The following LRRC71 variants were observed in gnomAD, a reference collection of about 807,000 sequenced individuals.
LRRC71 encodes the protein leucine rich repeat containing 71.
A neutral mutation model predicts 66.6 loss-of-function variants in LRRC71; 54 were observed. The ratio of observed to expected loss-of-function variants is 0.81; its 90% confidence interval spans 0.65 to 1.02. The LOEUF is 1.02. LRRC71 is among the 50% of genes least tolerant of loss of function. The pLI is 0.00. For synonymous variants in LRRC71, 323 were observed against 303.9 expected, an observed-to-expected ratio of 1.06 and a Z score of -0.65; for missense variants, 724 against 718.0, an observed-to-expected ratio of 1.01 and a Z score of -0.10.
Position 156,927,551 on chromosome 1 carries a change from C to G in LRRC71, c.718C>G (p.Leu240Val). ...CATCGACGACCGCGGGGCGCAACTC[C>G]TGGGCCAGGCGCTGTCCACGCTGCA... The part of the protein sequence containing the change: ...NNIDDRGAQL[L>V]GQALSTLHSC... Residue 240 changes from leucine (L) to valine (V), a missense_variant, in exon 7 of 15, where the codon CTG becomes GTG. Coordinates refer to ENST00000337428, the MANE Select transcript of LRRC71 (RefSeq NM_144702.3). 6.4e-7 allele frequency: 1 copy of G among 1,573,612 alleles called. No individual in the cohort carries two copies. The highest frequency in any genetic ancestry group is 8.6e-7 in the Non-Finnish European group (1 of 1,160,160).
chr1:156,932,002 G>C lies in LRRC71; in HGVS notation c.1416G>C (p.Lys472Asn). The C allele has an allele frequency of 8.1e-6, 13 of 1,598,294 alleles. No homozygotes were observed. The highest frequency in any genetic ancestry group is 1.1e-5 in the Non-Finnish European group (13 of 1,172,108). Residue 472 changes from lysine to asparagine, a missense_variant, in exon 13 of 15, where the codon AAG (lysine) becomes AAC (asparagine). Transcript: ENST00000337428. ...GGAAAGTTTTCATGCCTGGGAACAA[G>C]GTCCTTTTGCACCTCAACCTCATCC... ...RDGKVFMPGN[K>N]VLLHLNLIRN... is the part of the protein sequence containing the mutation.
intron 5 of LRRC71, 129 bp from the exon 6 acceptor site, chr1:156,927,073 T>A (rs1379397878): frequency 6.7e-6 from 5 of 749,316 alleles, no homozygotes; most frequent in Non-Finnish European, 1.1e-5. Flanking sequence ...ATATATTTCC[T>A]ATATTGGGGG....
chr1:156,924,233 T>A, intron 2 of LRRC71, 135 bp downstream of exon 2: 1 of 1,236,580 alleles, frequency 8.1e-7, no homozygotes, highest in Non-Finnish European at 1.1e-6. Flanking sequence ...ACGAGGCCGG[T>A]GGGGAGGTGG....
Position 156,924,978 on chromosome 1 carries a change from TTCA to T in LRRC71, c.559_561del (p.Ile187del). 2 of 1,551,656 alleles carry T rather than the reference TTCA, an allele frequency of 1.3e-6. No homozygotes were observed. Among genetic ancestry groups the T allele is most frequent in the Non-Finnish European group, 1.7e-6 (2 of 1,146,990 alleles). On this transcript the variant is annotated inframe_deletion, in exon 5 of 15. Transcript: ENST00000337428. ...GCTGACCGATAAGACCCTGACCACCTTCATCGAGCTCCTGCCTCTCTGTTCATC... is the reference window on the plus strand; with the variant it reads ...GCTGACCGATAAGACCCTGACCACCTTCGAGCTCCTGCCTCTCTGTTCATC...
the LRRC71 span, chr1:156,939,435 C>G: frequency 1.4e-6 from 2 of 1,479,568 alleles, no homozygotes; most frequent in African/African-American, 1.4e-5. Context: ...CAGCGTAGGT[C>G]TCTGCTCACA....
chr1:156,930,025 C>CT (rs767983461), intron 11 of LRRC71, among the ~76,000 whole-genome samples: 5 of 114,818 alleles, frequency 4.4e-5, no homozygotes, highest in East Asian at 2.5e-4. Flanking sequence ...TTTTTCTTTT[C>CT]TTTTCTTTTT....
At position 156,924,102 on chromosome 1, in the gene LRRC71, A is replaced by G. The variant is rs1218161489; in HGVS notation, c.310+4A>G. 1 of 1,502,668 alleles carries G rather than the reference A, an allele frequency of 6.7e-7. No homozygotes were observed. The highest frequency in any genetic ancestry group is 2.8e-5 in the East Asian group (1 of 35,682). The allele number at this position is 1,502,668 out of a possible 1,614,324, so 93.1% of individuals were successfully genotyped here. A position where few individuals can be genotyped will look rare whatever the true frequency, so the allele number is the denominator to read the frequency against. On this transcript the variant is annotated splice_donor_region_variant and intron_variant, in intron 2 of 14. Transcript: ENST00000337428. ...TTGTCGGAAAAGGCCACCTTAGGTGAGTGACAGTGGAGCTCCCCGGTGCCT... is the reference window on the plus strand; with the variant it reads ...TTGTCGGAAAAGGCCACCTTAGGTGGGTGACAGTGGAGCTCCCCGGTGCCT...
In LRRC71 at chr1:156,929,705, G is replaced by C. The variant is rs1160413761; in HGVS notation, c.1216G>C (p.Asp406His). Residue 406 changes from aspartate to histidine, a missense_variant, in exon 11 of 15, where the codon GAT becomes CAT. Asp to His is a moderately conservative substitution (Grantham distance 81). Coordinates refer to ENST00000337428, the MANE Select transcript of LRRC71 (RefSeq NM_144702.3). ...SPTQGTPKKE[D>H]ATKAGKGKVT... is the part of the protein sequence containing the mutation. ...CACACAAGGAACCCCTAAGAAGGAA[G>C]ATGCCACAAAGGCAGGCAAGGGGAG... 6.4e-7 allele frequency: 1 copy of C among 1,573,304 alleles called. No individual in the cohort carries two copies. The highest frequency in any genetic ancestry group is 8.6e-7 in the Non-Finnish European group (1 of 1,159,454).
chr1:156,924,555 G>T lies in LRRC71; in HGVS notation c.439+3G>T. 1 of 1,551,460 alleles carries T rather than the reference G, an allele frequency of 6.4e-7. No homozygotes were observed. Among genetic ancestry groups the T allele is most frequent in the African/African-American group, 1.4e-5 (1 of 73,132 alleles). On this transcript the variant is annotated splice_donor_region_variant and intron_variant, in intron 3 of 14. Coordinates refer to ENST00000337428, the MANE Select transcript of LRRC71 (RefSeq NM_144702.3). ...AGTGAAGGAAATCTACATCCGCGGT[G>T]AGCCCCGCTCCCCCCACCCGCCCCA...
downstream of LRRC71, chr1:156,936,886 T>A: frequency 6.2e-7 from 1 of 1,613,502 alleles, no homozygotes; most frequent in South Asian, 1.1e-5. Context: ...TAGCGGGAGG[T>A]GAGAGGGAGC....
At position 156,924,660 on chromosome 1, in the gene LRRC71, C is replaced by G. The variant is rs1161328332; in HGVS notation, c.457C>G (p.Arg153Gly). The G allele has an allele frequency of 2.7e-5, 42 of 1,551,194 alleles. No individual in the cohort carries two copies. Among genetic ancestry groups the G allele is most frequent in the Non-Finnish European group, 3.5e-5 (40 of 1,146,846 alleles). Residue 153 changes from arginine (R) to glycine (G), a missense_variant, in exon 4 of 15, where the codon CGG becomes GGG. Arg to Gly is a moderately radical substitution (Grantham distance 125). Transcript: ENST00000337428. Reference protein sequence around the residue: ...IYIRGWKVEERILGVFSKCLP... With the variant: ...IYIRGWKVEEGILGVFSKCLP... Reference sequence around the variant, plus strand: ...GCCCGCAGGTTGGAAGGTTGAGGAACGGATTCTGGGTGTCTTCTCTAAATG... The same window carrying G: ...GCCCGCAGGTTGGAAGGTTGAGGAAGGGATTCTGGGTGTCTTCTCTAAATG...
chr1:156,930,562 CA>C lies in LRRC71; in HGVS notation c.1278del (p.Ile428SerfsTer107). 5 of 1,568,962 alleles carry C rather than the reference CA, an allele frequency of 3.2e-6. No individual in the cohort carries two copies. Among genetic ancestry groups the C allele is most frequent in the Admixed American group, 1.9e-5 (1 of 53,232 alleles). On this transcript the variant is annotated frameshift_variant, in exon 12 of 15. Transcript: ENST00000337428. LOFTEE classifies it high-confidence loss of function. Reference sequence around the variant, plus strand: ...ATCCCTGAACAGAAGCCAAGCAGGGCAAAAGGGATCAAGATCGGGAGCAGAG... The same window carrying C: ...ATCCCTGAACAGAAGCCAAGCAGGGCAAAGGGATCAAGATCGGGAGCAGAG... ...VTIPEQKPSRAKGIKIGSREK... is the reference protein window; with the variant it reads ...VTIPEQKPSRXKGIKIGSREK...
At position 156,929,708 on chromosome 1, in the gene LRRC71, G is replaced by T; in HGVS notation, c.1219G>T (p.Ala407Ser). 6.4e-7 allele frequency: 1 copy of T among 1,571,024 alleles called. No homozygotes were observed. The highest frequency in any genetic ancestry group is 8.6e-7 in the Non-Finnish European group (1 of 1,158,248). The change falls in exon 11 of 15, where the codon GCC (alanine) becomes TCC (serine). Residue 407 changes from alanine to serine, a missense_variant. Physicochemically the swap from Ala to Ser is moderately conservative, Grantham distance 99 (BLOSUM62 1). Transcript: ENST00000337428. ...PTQGTPKKED[A>S]TKAGKGKVTI... ...ACAAGGAACCCCTAAGAAGGAAGAT[G>T]CCACAAAGGCAGGCAAGGGGAGTAA...
Position 156,927,921 on chromosome 1 carries a change from C to A in LRRC71, c.913C>A (p.Arg305Ser). The A allele has an allele frequency of 6.2e-7, 1 of 1,611,478 alleles. No homozygotes were observed. The highest frequency in any genetic ancestry group is 8.5e-7 in the Non-Finnish European group (1 of 1,179,032). ...KGALKLAEVLRAFELTHTEVV... is the reference protein window; with the variant it reads ...KGALKLAEVLSAFELTHTEVV... ...GAGCGCCCGCCTCCTTCAGGTCCTG[C>A]GCGCCTTCGAGCTGACACACACCGA... Residue 305 changes from arginine (R) to serine (S), a missense_variant, in exon 9 of 15, where the codon CGC becomes AGC. Physicochemically the swap from Arg to Ser is moderately radical, Grantham distance 110. Transcript: ENST00000337428.
In LRRC71 at chr1:156,932,875, GTCCTGCGTACGCCATAA is replaced by G. The variant is rs1432470691; in HGVS notation, c.1590_1606del (p.Ala531GlyfsTer17). 1 of 1,607,868 alleles carries G rather than the reference GTCCTGCGTACGCCATAA, an allele frequency of 6.2e-7. No homozygotes were observed. Among genetic ancestry groups the G allele is most frequent in the Admixed American group, 1.7e-5 (1 of 59,474 alleles). ...CAGAAAAATTGCTTCGCCCCACAAT[GTCCTGCGTACGCCATAA>G]TCCAGGAGCTGATGTTGCCAAGGGA... On this transcript the variant is annotated frameshift_variant, in exon 15 of 15. Transcript: ENST00000337428. LOFTEE classifies it high-confidence loss of function.
Position 156,927,537 on chromosome 1 carries a change from G to A in LRRC71, c.704G>A (p.Arg235His), listed in dbSNP as rs776777399. 8.4e-6 allele frequency: 13 copies of A among 1,555,004 alleles called. No individual in the cohort carries two copies. In the South Asian group the frequency reaches 1.6e-4, roughly 19 times the overall value. ...CTGCGGAACAATAACATCGACGACC[G>A]CGGGGCGCAACTCCTGGGCCAGGCG... The part of the protein sequence containing the change: ...LSLRNNNIDD[R>H]GAQLLGQALS... Residue 235 changes from arginine (R) to histidine (H), a missense_variant, in exon 7 of 15, where the codon CGC (arginine) becomes CAC (histidine). Arg to His is a conservative substitution (Grantham distance 29). Coordinates refer to ENST00000337428, the MANE Select transcript of LRRC71 (RefSeq NM_144702.3).
chr1:156,935,952 G>C (rs1390700435), downstream of LRRC71: 2 of 1,582,442 alleles, frequency 1.3e-6, no homozygotes, highest in East Asian at 2.2e-5. Context: ...TCTCAGGCCA[G>C]TCCCTGAAGG....
At chr1:156,930,901 A>G (rs1557794601) in intron 12 of LRRC71, among the ~76,000 whole-genome samples, 1 of 152,212 alleles carries the variant, frequency 6.6e-6, no homozygotes, top group Non-Finnish European at 1.5e-5. Flanking sequence ...CAGCCAGGCT[A>G]CTTCCCCAGA....
downstream of LRRC71, among the ~76,000 whole-genome samples, chr1:156,933,761 C>A (rs1338478139): frequency 6.6e-6 from 1 of 152,226 alleles, no homozygotes; most frequent in African/African-American, 2.4e-5. Context: ...GGGGAGCCTA[C>A]CTGTAAACCT....
Sources: allele counts gnomAD v4.1 joint callset (sites outside exome capture counted in the v4.1 genomes callset), GRCh38; gene constraint gnomAD v4.1.1; transcripts MANE v1.5; gene names NCBI Gene and HGNC (gene_info 2026-07-23, HGNC 2026-07-21).